PACSIN2: variants seen among roughly 807,000 people sequenced by gnomAD.
The protein encoded by PACSIN2 is protein kinase C and casein kinase substrate in neurons 2.
PACSIN2 carries 25 observed loss-of-function variants against 63.8 expected under a neutral mutation model. That is an observed-to-expected ratio of 0.39 (90% confidence interval 0.29 to 0.55). The LOEUF (loss-of-function observed/expected upper bound fraction) is 0.55. Among genes scored for constraint, PACSIN2 ranks in the 20% least tolerant of loss-of-function variants. PACSIN2 has a pLI of 0.62. For missense variants in PACSIN2, 518 were observed against 646.9 expected (o/e 0.80, Z 2.16); for synonymous variants, 255 against 256.2 (o/e 1.00, Z 0.05).
In PACSIN2 at chr22:42,993,167, C is replaced by T. The variant is rs571794089; in HGVS notation, c.-78+21854G>A. ...CCAGCCTAGCAACAGAACAAGACTC[C>T]ATCTCAAAAAAAAAAAAGGAAGAAG... On this transcript the variant is annotated intron_variant, in intron 1 of 10. Coordinates refer to ENST00000263246, the MANE Select transcript of PACSIN2 (RefSeq NM_001184970.3). Among the ~76,000 whole-genome samples the T allele has an allele frequency of 2.0e-5, 3 of 150,188 alleles. 1 individual carries two copies. The East Asian group carries it at 5.8e-4, about 29-fold the overall frequency.
In PACSIN2 at chr22:42,870,930, T is replaced by C; in HGVS notation, c.*427A>G. On this transcript the variant is annotated 3_prime_UTR_variant, in exon 11 of 11. Transcript: ENST00000263246. ...TAAAAAAGTATAACTGTACACAGCC[T>C]TTAAATTAAAAACCTCAAAATCTTC... 1 of 202,842 alleles carries C rather than the reference T, an allele frequency of 4.9e-6. No homozygotes were observed. Among genetic ancestry groups the C allele is most frequent in the South Asian group, 9.3e-5 (1 of 10,754 alleles). The allele number at this position is 202,842 out of a possible 1,614,324, so 12.6% of individuals were successfully genotyped here.
rs1297484386 is a variant in PACSIN2, at chr22:42,884,473, C to T, written c.698G>A (p.Cys233Tyr). ...AAGGCGTTTCTCCTCGAACTGCTGG[C>T]ACTGCTCAAACACCTGCTCCATGTT... is the stretch of plus-strand genomic sequence containing the variant. ...MENMEQVFEQ[C>Y]QQFEEKRLRF... The change falls in exon 6 of 11, where the codon TGC (cysteine) becomes TAC (tyrosine). Residue 233 changes from cysteine (C) to tyrosine (Y), a missense_variant. Cys to Tyr is a radical substitution (Grantham distance 194). This residue lies in a region of PACSIN2 where 507 missense variants were observed against 612.3 expected (regional missense o/e 0.83). Coordinates refer to ENST00000263246, the MANE Select transcript of PACSIN2 (RefSeq NM_001184970.3). 1 of 1,614,094 alleles carries T rather than the reference C, an allele frequency of 6.2e-7. No individual in the cohort carries two copies. The highest frequency in any genetic ancestry group is 8.5e-7 in the Non-Finnish European group (1 of 1,180,018).
intron 1 of PACSIN2, among the ~76,000 whole-genome samples, chr22:42,971,082 T>C (rs1018869458): frequency 6.6e-6 from 1 of 152,152 alleles, no homozygotes; most frequent in African/African-American, 2.4e-5. Flanking sequence ...CAAACCACCA[T>C]GATAAAAATA....
intron 1 of PACSIN2, among the ~76,000 whole-genome samples, chr22:42,956,865 T>A (rs1338543185): frequency 6.6e-6 from 1 of 152,186 alleles, no homozygotes; most frequent in Admixed American, 6.5e-5. Flanking sequence ...TATACTAATG[T>A]GGGCAGAAGC....
At chr22:43,007,573 C>G (rs569605074) in intron 1 of PACSIN2, among the ~76,000 whole-genome samples, 8 of 152,296 alleles carry the variant, frequency 5.3e-5, no homozygotes, top group African/African-American at 1.9e-4. Context: ...ACGTCAGCCC[C>G]ACCTGGAGAG....
intron 1 of PACSIN2, among the ~76,000 whole-genome samples, chr22:42,986,957 G>A (rs114371061): frequency 2.1e-3 from 312 of 152,184 alleles, no homozygotes; most frequent in African/African-American, 7.2e-3. Flanking sequence ...AAAGTTTATT[G>A]GATGTAAATC....
At chr22:42,970,221 C>A (rs554523330) in intron 1 of PACSIN2, among the ~76,000 whole-genome samples, 3 of 152,170 alleles carry the variant, frequency 2.0e-5, no homozygotes, top group East Asian at 3.8e-4. Flanking sequence ...AAAGTAAACC[C>A]GCAAGGTTAA....
chr22:43,002,673 A>G (rs577844448), intron 1 of PACSIN2, among the ~76,000 whole-genome samples: 1 of 152,262 alleles, frequency 6.6e-6, no homozygotes, highest in African/African-American at 2.4e-5. Context: ...ATACCCTTTA[A>G]TACAAGATTT....
intron 9 of PACSIN2, 22 bp from the exon 10 acceptor site, chr22:42,876,355 A>C: frequency 2.5e-6 from 4 of 1,608,580 alleles, no homozygotes; most frequent in Non-Finnish European, 3.4e-6. Flanking sequence ...GGGAGGCCAC[A>C]GGGCCCTCAG....
At chr22:42,931,351 T>C (rs903421750) in intron 1 of PACSIN2, among the ~76,000 whole-genome samples, 9 of 152,196 alleles carry the variant, frequency 5.9e-5, no homozygotes, top group Admixed American at 2.6e-4. Context: ...CTTGGGATTG[T>C]TGGAGGACTG....
chr22:42,978,615 G>A (rs888553109), intron 1 of PACSIN2, among the ~76,000 whole-genome samples: 6 of 152,284 alleles, frequency 3.9e-5, no homozygotes, highest in South Asian at 2.1e-4. Flanking sequence ...CCGCACTGAC[G>A]GTAAGTTGTG....
Position 42,870,044 on chromosome 22 carries a change from C to T in PACSIN2, c.*1313G>A, listed in dbSNP as rs550936968. ...GGTTCCCCCACGTTCCCCCCACCCC[C>T]GCCGGCCCGCGTGGCCCCCGCGTAA... On this transcript the variant is annotated 3_prime_UTR_variant, in exon 11 of 11. Coordinates refer to ENST00000263246, the MANE Select transcript of PACSIN2 (RefSeq NM_001184970.3). 6.6e-6 allele frequency: 1 copy of T among 152,290 alleles called. No homozygotes were observed. The highest frequency in any genetic ancestry group is 1.5e-5 in the Non-Finnish European group (1 of 68,042). The allele number at this position is 152,290 out of a possible 1,614,324, so 9.4% of individuals were successfully genotyped here. A position where few individuals can be genotyped will look rare whatever the true frequency, so the allele number is the denominator to read the frequency against.
chr22:42,971,302 G>A (rs1416179929), intron 1 of PACSIN2, among the ~76,000 whole-genome samples: 3 of 152,186 alleles, frequency 2.0e-5, no homozygotes, highest in Admixed American at 1.3e-4. Context: ...GGCCGGGCTG[G>A]TCTCCAGCTC....
chr22:42,931,277 T>A (rs1932772678), intron 1 of PACSIN2, among the ~76,000 whole-genome samples: 1 of 152,266 alleles, frequency 6.6e-6, no homozygotes, highest in African/African-American at 2.4e-5. Flanking sequence ...AGGGGCACGT[T>A]ACTTAACCTT....
intron 1 of PACSIN2, among the ~76,000 whole-genome samples, chr22:42,916,076 G>A (rs909289204): frequency 5.9e-5 from 9 of 152,136 alleles, no homozygotes; most frequent in African/African-American, 2.2e-4. Flanking sequence ...CTGGGTGACC[G>A]CAGAAAGCCA....
At chr22:43,001,177 G>T (rs968838209) in intron 1 of PACSIN2, among the ~76,000 whole-genome samples, 1 of 152,230 alleles carries the variant, frequency 6.6e-6, no homozygotes, top group Non-Finnish European at 1.5e-5. Flanking sequence ...AGCTGAGCAG[G>T]GATTTCTCAG....
At chr22:42,996,617 T>G (rs1923421255) in intron 1 of PACSIN2, among the ~76,000 whole-genome samples, 1 of 150,690 alleles carries the variant, frequency 6.6e-6, no homozygotes, top group Non-Finnish European at 1.5e-5. Flanking sequence ...CATTAAGCCC[T>G]GGAGTTGGAG....
chr22:42,871,056 C>G lies in PACSIN2; in HGVS notation c.*301G>C, dbSNP rs951507286. 5.1e-6 allele frequency: 2 copies of G among 395,906 alleles called. No individual in the cohort carries two copies. Among genetic ancestry groups the G allele is most frequent in the Non-Finnish European group, 9.4e-6 (2 of 212,814 alleles). The allele number at this position is 395,906 out of a possible 1,614,324, so 24.5% of individuals were successfully genotyped here. On this transcript the variant is annotated 3_prime_UTR_variant, in exon 11 of 11. Transcript: ENST00000263246. The surrounding 1 kb of genome is among the most constrained non-coding windows in gnomAD (Gnocchi z 5.4). ...AGATCAGTGTAACCCACCATTGACTCGGAAAGGAGAGACAAAGTCAAGAAC... is the reference window on the plus strand; with the variant it reads ...AGATCAGTGTAACCCACCATTGACTGGGAAAGGAGAGACAAAGTCAAGAAC...
At chr22:42,895,593 C>T (rs887558084) in intron 2 of PACSIN2, among the ~76,000 whole-genome samples, 5 of 152,248 alleles carry the variant, frequency 3.3e-5, no homozygotes, top group Admixed American at 1.3e-4. Flanking sequence ...CCCATCGGCA[C>T]ACACAGGAGC....
Sources: allele counts gnomAD v4.1 joint callset (sites outside exome capture counted in the v4.1 genomes callset), GRCh38; gene constraint gnomAD v4.1.1; regional missense constraint gnomAD v4.1.1; non-coding constraint Gnocchi (gnomAD v3.1); transcripts MANE v1.5; gene names NCBI Gene and HGNC (gene_info 2026-07-23, HGNC 2026-07-21).